CPE: variants seen among roughly 807,000 people sequenced by gnomAD.
CPE encodes the protein carboxypeptidase E, also known as carbocypeptidase E.
Under a neutral mutation model 53.5 loss-of-function variants are expected in CPE, and 17 were observed. The ratio of observed to expected loss-of-function variants is 0.32; its 90% CI spans 0.22 to 0.48. The LOEUF is 0.48. Among genes scored for constraint, CPE ranks in the 20% least tolerant of loss-of-function variants. The pLI is 0.99. For synonymous variants in CPE, 226 were observed against 228.8 expected (o/e 0.99, Z 0.11); for missense variants, 524 against 614.7 (o/e 0.85, Z 1.56).
intron 1 of CPE, chr4:165,405,170 C>A: frequency 1.3e-6 from 1 of 774,720 alleles, no homozygotes; most frequent in South Asian, 1.4e-5. Context: ...CTGTCCTCAG[C>A]CTAACCCAGT....
chr4:165,404,282 C>T (rs535905993), intron 1 of CPE: 1 of 769,598 alleles, frequency 1.3e-6, no homozygotes, highest in Non-Finnish European at 2.4e-6. Flanking sequence ...GGCCAAGATC[C>T]CCTCTTGCGG....
chr4:165,386,037 G>A (rs1730585414), intron 1 of CPE, among the ~76,000 whole-genome samples: 1 of 152,142 alleles, frequency 6.6e-6, no homozygotes, highest in Admixed American at 6.5e-5. Flanking sequence ...GATGTCAGGG[G>A]ACTTGAGCTC....
chr4:165,484,322 A>G, intron 4 of CPE, 100 bp from the exon 5 acceptor site: 1 of 1,091,424 alleles, frequency 9.2e-7, no homozygotes, highest in Non-Finnish European at 1.3e-6. Flanking sequence ...AAAAAAATAC[A>G]TCAACAATAC....
intron 4 of CPE, among the ~76,000 whole-genome samples, chr4:165,483,284 C>T (rs979965586): frequency 1.3e-5 from 2 of 152,116 alleles, no homozygotes; most frequent in African/African-American, 2.4e-5. Context: ...GATAATGGCT[C>T]CTAGCTCCAT....
chr4:165,383,265 T>G (rs1730532831), intron 1 of CPE, among the ~76,000 whole-genome samples: 1 of 152,222 alleles, frequency 6.6e-6, no homozygotes, highest in African/African-American at 2.4e-5. Context: ...TTTCCCGTTT[T>G]TCTTTCCTTT....
At chr4:165,405,563 G>A in intron 1 of CPE, 1 of 907,658 alleles carries the variant, frequency 1.1e-6, no homozygotes, top group Non-Finnish European at 1.9e-6. Context: ...GGCATACGCT[G>A]TTAATTTTTC....
chr4:165,393,920 A>T (rs1470069383), intron 1 of CPE, among the ~76,000 whole-genome samples: 1 of 152,212 alleles, frequency 6.6e-6, no homozygotes, highest in East Asian at 1.9e-4. Flanking sequence ...TTTTCTTGGC[A>T]GTAGAATCCA....
At chr4:165,411,486 C>A (rs553461866) in intron 1 of CPE, among the ~76,000 whole-genome samples, 78 of 152,250 alleles carry the variant, frequency 5.1e-4, no homozygotes, top group African/African-American at 1.8e-3. Context: ...CAGTGTCATA[C>A]CAGTTGCTAA....
Position 165,464,545 on chromosome 4 carries a change from C to G in CPE, c.463C>G (p.Pro155Ala). ...LIHSTRIHIM[P>A]SLNPDGFEKA... ...CCACAGTACCCGCATTCACATCATG[C>G]CTTCCCTGAACCCAGATGGCTTTGA... Residue 155 changes from proline to alanine, a missense_variant, in exon 2 of 9, where the codon CCT (proline) becomes GCT (alanine). Coordinates refer to ENST00000402744, the MANE Select transcript of CPE (RefSeq NM_001873.4). 1 of 1,613,342 alleles carries G rather than the reference C, an allele frequency of 6.2e-7. No homozygotes were observed. The highest frequency in any genetic ancestry group is 8.5e-7 in the Non-Finnish European group (1 of 1,179,608).
At chr4:165,473,718 T>C (rs907557571) in intron 3 of CPE, among the ~76,000 whole-genome samples, 3 of 152,082 alleles carry the variant, frequency 2.0e-5, no homozygotes, top group African/African-American at 7.2e-5. Flanking sequence ...GAATCTTTTC[T>C]TTTGGAAGGA....
chr4:165,481,472 GA>G (rs1732410790), intron 3 of CPE, among the ~76,000 whole-genome samples: 1 of 152,148 alleles, frequency 6.6e-6, no homozygotes, highest in Non-Finnish European at 1.5e-5. Context: ...TTTCATCAGA[GA>G]AGCACTTGGG....
At chr4:165,488,381 C>G (rs533303680) in intron 6 of CPE, among the ~76,000 whole-genome samples, 10 of 152,262 alleles carry the variant, frequency 6.6e-5, no homozygotes, top group Admixed American at 5.9e-4. Context: ...CCAATGTGAT[C>G]CATATAGAAT....
At chr4:165,460,199 A>G (rs1014919698) in intron 1 of CPE, among the ~76,000 whole-genome samples, 3 of 151,798 alleles carry the variant, frequency 2.0e-5, no homozygotes, top group South Asian at 2.1e-4. Context: ...GAGAAAATTG[A>G]TGATGAAAAA....
At chr4:165,421,420 C>A (rs2126673710) in intron 1 of CPE, among the ~76,000 whole-genome samples, 1 of 152,318 alleles carries the variant, frequency 6.6e-6, no homozygotes, top group Non-Finnish European at 1.5e-5. Context: ...GCCTCTATTC[C>A]ACCTGCTGGA....
intron 1 of CPE, among the ~76,000 whole-genome samples, chr4:165,454,325 A>G (rs1165018174): frequency 6.6e-6 from 1 of 152,116 alleles, no homozygotes; most frequent in Non-Finnish European, 1.5e-5. Context: ...AAACCAGTGC[A>G]TGTTCGACAC....
Position 165,484,547 on chromosome 4 carries a change from G to C in CPE, c.916G>C (p.Asp306His), listed in dbSNP as rs1223971401. The C allele has an allele frequency of 6.2e-7, 1 of 1,614,110 alleles. No homozygotes were observed. The highest frequency in any genetic ancestry group is 2.2e-5 in the East Asian group (1 of 44,874). ...GCCACCATGTCGCAAGAATGATGATGACAGCAGCTTTGTAGATGGAACCAC... is the reference window on the plus strand; with the variant it reads ...GCCACCATGTCGCAAGAATGATGATCACAGCAGCTTTGTAGATGGAACCAC... ...NRPPCRKNDD[D>H]SSFVDGTTNG... Residue 306 changes from aspartate to histidine, a missense_variant, in exon 5 of 9, where the codon GAC becomes CAC. Transcript: ENST00000402744.
chr4:165,385,533 T>C (rs1423254081), intron 1 of CPE, among the ~76,000 whole-genome samples: 1 of 143,594 alleles, frequency 7.0e-6, no homozygotes, highest in African/African-American at 2.7e-5. Context: ...AGCCTTGAAC[T>C]CTAGGGCTCA....
chr4:165,496,002 T>C (rs531566340), intron 8 of CPE, among the ~76,000 whole-genome samples: 1 of 152,362 alleles, frequency 6.6e-6, no homozygotes, highest in South Asian at 2.1e-4. Flanking sequence ...GCAGTGCCTT[T>C]CTCAATAAGT....
chr4:165,397,668 A>G (rs74704735), intron 1 of CPE, among the ~76,000 whole-genome samples: 2,532 of 152,228 alleles, frequency 0.017, 62 homozygotes, highest in African/African-American at 0.057. Context: ...GATTCTCTGC[A>G]TTTTCATCAG....
Sources: gnomAD v4.1 joint callset for allele counts (sites outside exome capture counted in the v4.1 genomes callset) on GRCh38, gnomAD v4.1.1 for gene constraint, MANE v1.5 for transcripts, NCBI Gene and HGNC (gene_info 2026-07-23, HGNC 2026-07-21) for gene names.